MAMDC2: variants seen among roughly 807,000 people sequenced by gnomAD.
MAMDC2 encodes the protein MAM domain containing 2.
A neutral mutation model predicts 89.8 loss-of-function variants in MAMDC2; 57 were observed. That is an observed-to-expected ratio of 0.63 (90% CI 0.51 to 0.79). The LOEUF (loss-of-function observed/expected upper bound fraction) is 0.79, where lower values mean the gene tolerates loss of function less well. Ranked by LOEUF, MAMDC2 falls within the 30% of genes least tolerant of loss-of-function variation. The pLI is 0.00. For synonymous variants in MAMDC2, 313 were observed against 293.4 expected, an observed-to-expected ratio of 1.07 and a Z score of -0.68; for missense variants, 800 against 820.6, an observed-to-expected ratio of 0.97 and a Z score of 0.31.
intron 2 of MAMDC2, among the ~76,000 whole-genome samples, chr9:70,084,145 T>C (rs1030870143): frequency 1.3e-5 from 2 of 152,142 alleles, no homozygotes; most frequent in African/African-American, 4.8e-5. Flanking sequence ...TCTCAAAGTA[T>C]ATACTGTGAG....
intron 11 of MAMDC2, among the ~76,000 whole-genome samples, chr9:70,215,376 A>C (rs1323684647): frequency 6.6e-6 from 1 of 152,246 alleles, no homozygotes; most frequent in Non-Finnish European, 1.5e-5. Context: ...TGAGCAGATC[A>C]TGGGAAAGTT....
intron 11 of MAMDC2, among the ~76,000 whole-genome samples, chr9:70,189,578 A>G (rs2032834808): frequency 1.3e-5 from 2 of 152,122 alleles, no homozygotes; most frequent in Admixed American, 1.3e-4. Context: ...GAATTTTCCT[A>G]GTTGAAGTTC....
At chr9:70,129,170 T>C (rs967364981) in intron 6 of MAMDC2, among the ~76,000 whole-genome samples, 2 of 152,182 alleles carry the variant, frequency 1.3e-5, no homozygotes, top group African/African-American at 4.8e-5. Context: ...CCACGTGTTG[T>C]AGGAGGGACC....
intron 2 of MAMDC2, chr9:70,079,488 T>C (rs1284819994): frequency 1.3e-5 from 2 of 152,164 alleles, no homozygotes; most frequent in Admixed American, 6.6e-5. Flanking sequence ...CAGATCTTAT[T>C]GTTTTGTTGA....
Position 70,218,479 on chromosome 9 carries a change from T to C in MAMDC2, c.1794T>C (p.Ser598=), listed in dbSNP as rs752275362. The C allele has an allele frequency of 7.4e-6, 12 of 1,614,060 alleles. No individual in the cohort carries two copies. The highest frequency in any genetic ancestry group is 3.3e-5 in the South Asian group (3 of 91,078). Residue 598 remains serine, a synonymous_variant, in exon 12 of 14, where the codon AGT becomes AGC. Coordinates refer to ENST00000377182, the MANE Select transcript of MAMDC2 (RefSeq NM_153267.5). ...ATGGAGGGGGCACTGGCCTGCTGAG[T>C]GTTTATCTGAAAAAGGAAGAAGACA... ...HMYGGGTGLL[S]VYLKKEEDSE...
chr9:70,067,047 T>G (rs1827283966), intron 2 of MAMDC2, among the ~76,000 whole-genome samples: 1 of 152,128 alleles, frequency 6.6e-6, no homozygotes, highest in South Asian at 2.1e-4. Flanking sequence ...AAGGGAAGAA[T>G]CAGGACTGGA....
At position 70,187,622 on chromosome 9, in the gene MAMDC2, A is replaced by C. The variant is rs537954908; in HGVS notation, c.1651+16991A>C. Among the ~76,000 whole-genome samples, 49 of 152,078 alleles carry C rather than the reference A, an allele frequency of 3.2e-4. No homozygotes were observed. In the South Asian group the frequency reaches 9.5e-3, roughly 30 times the overall value. On this transcript the variant is annotated intron_variant, in intron 11 of 13. Transcript: ENST00000377182. ...GTAGTCACTCCCATTCCCTTTCCCT[A>C]TCTCTTCCCTCTTTACCCCACCCCC...
At chr9:70,099,843 C>T (rs534687493) in intron 2 of MAMDC2, among the ~76,000 whole-genome samples, 19 of 152,000 alleles carry the variant, frequency 1.3e-4, no homozygotes, top group African/African-American at 4.1e-4. Flanking sequence ...GGCGTGGTGC[C>T]GGGTGCCTGT....
chr9:70,143,878 T>C (rs1165848612), intron 9 of MAMDC2, 59 bp downstream of exon 9: 1 of 1,577,886 alleles, frequency 6.3e-7, no homozygotes, highest in African/African-American at 1.4e-5. Flanking sequence ...GTTTTGTGAA[T>C]GTCCGTCTAG....
At chr9:70,155,062 G>A (rs2031711306) in intron 9 of MAMDC2, among the ~76,000 whole-genome samples, 2 of 152,028 alleles carry the variant, frequency 1.3e-5, no homozygotes, top group Admixed American at 1.3e-4. Flanking sequence ...GGTCTTCCTG[G>A]CTTCTCCACC....
intron 9 of MAMDC2, among the ~76,000 whole-genome samples, chr9:70,151,037 A>G (rs1402309187): frequency 1.3e-5 from 2 of 152,140 alleles, no homozygotes; most frequent in Non-Finnish European, 2.9e-5. Context: ...TGCCACATTC[A>G]TAGAGTCCCA....
At chr9:70,191,633 G>GC (rs1305169106) in intron 11 of MAMDC2, among the ~76,000 whole-genome samples, 4 of 152,052 alleles carry the variant, frequency 2.6e-5, no homozygotes, top group Non-Finnish European at 5.9e-5. Flanking sequence ...CTAGAATAGA[G>GC]CAAGTCACCT....
chr9:70,079,126 A>T (rs1827600025), intron 2 of MAMDC2: 1 of 152,258 alleles, frequency 6.6e-6, no homozygotes, highest in Non-Finnish European at 1.5e-5. Context: ...CAAGACACCC[A>T]ACTGGGTCAC....
intron 11 of MAMDC2, among the ~76,000 whole-genome samples, chr9:70,207,306 T>C (rs1254417866): frequency 1.3e-5 from 2 of 151,724 alleles, no homozygotes; most frequent in South Asian, 2.1e-4. Context: ...TTCCTGACTT[T>C]TTAATGATCG....
intron 11 of MAMDC2, among the ~76,000 whole-genome samples, chr9:70,184,441 G>A (rs890149237): frequency 2.0e-5 from 3 of 152,060 alleles, no homozygotes; most frequent in Admixed American, 2.0e-4. Context: ...TTGCTAGGTT[G>A]GGGAAGTTCT....
intron 11 of MAMDC2, among the ~76,000 whole-genome samples, chr9:70,183,879 ATGTGAATTTGATTCTGTCATTG>A (rs1288419820): frequency 5.3e-5 from 8 of 152,228 alleles, no homozygotes; most frequent in Admixed American, 4.6e-4. Context: ...TTCTGTCATT[ATGTGAATTTGATTCTGTCATTG>A]TGTGAATTTG....
At chr9:70,137,623 A>G (rs1413671092) in intron 7 of MAMDC2, among the ~76,000 whole-genome samples, 1 of 152,136 alleles carries the variant, frequency 6.6e-6, no homozygotes, top group African/African-American at 2.4e-5. Flanking sequence ...GAAATTGACA[A>G]ATTGAGAATA....
Position 70,218,466 on chromosome 9 carries a change from C to G in MAMDC2, c.1781C>G (p.Thr594Ser). The G allele has an allele frequency of 1.9e-6, 3 of 1,614,178 alleles. No individual in the cohort carries two copies. The highest frequency in any genetic ancestry group is 1.3e-5 in the African/African-American group (1 of 75,046). ...TTCTACCACATGTATGGAGGGGGCA[C>G]TGGCCTGCTGAGTGTTTATCTGAAA... The part of the protein sequence containing the change: ...TFFYHMYGGG[T>S]GLLSVYLKKE... The change falls in exon 12 of 14, where the codon ACT becomes AGT. Residue 594 changes from threonine to serine, a missense_variant. Transcript: ENST00000377182.
intron 9 of MAMDC2, among the ~76,000 whole-genome samples, chr9:70,158,888 T>G (rs1018076363): frequency 1.3e-5 from 2 of 152,168 alleles, no homozygotes; most frequent in Non-Finnish European, 1.5e-5. Context: ...AGTATTTTTG[T>G]ATCTAAACAT....
Sources: gnomAD v4.1 joint callset for allele counts (sites outside exome capture counted in the v4.1 genomes callset) on GRCh38, gnomAD v4.1.1 for gene constraint, MANE v1.5 for transcripts, NCBI Gene and HGNC (gene_info 2026-07-23, HGNC 2026-07-21) for gene names.